Variants in GRID1 observed in about 807,000 individuals in gnomAD.
GRID1 encodes glutamate ionotropic receptor delta type subunit 1.
A neutral mutation model predicts 98.0 loss-of-function variants in GRID1; 28 were observed. That is an observed-to-expected ratio of 0.29 (90% CI 0.21 to 0.39). The LOEUF (loss-of-function observed/expected upper bound fraction) is 0.39. GRID1 is among the 10% of genes least tolerant of loss of function. GRID1 has a pLI of 1.00. For missense variants in GRID1, 1,111 were observed against 1,340.5 expected, an observed-to-expected ratio of 0.83 and a Z score of 2.67; for synonymous variants, 553 against 538.5, an observed-to-expected ratio of 1.03 and a Z score of -0.37.
chr10:85,809,674 G>A (rs961923734), intron 8 of GRID1, among the ~76,000 whole-genome samples: 18 of 152,198 alleles, frequency 1.2e-4, no homozygotes, highest in Admixed American at 3.3e-4. Flanking sequence ...TGAAACTTCA[G>A]AGGGAAAGTG....
At chr10:85,862,513 G>C (rs1222035657) in intron 6 of GRID1, among the ~76,000 whole-genome samples, 2 of 152,058 alleles carry the variant, frequency 1.3e-5, no homozygotes, top group African/African-American at 4.8e-5. Flanking sequence ...ATCCTGGCAA[G>C]GTATAAATTT....
At chr10:85,883,212 C>T (rs964009376) in intron 5 of GRID1, among the ~76,000 whole-genome samples, 4 of 152,030 alleles carry the variant, frequency 2.6e-5, no homozygotes, top group Admixed American at 2.6e-4. Context: ...TGGTGTTCAA[C>T]CTCTAAGATT....
intron 4 of GRID1, among the ~76,000 whole-genome samples, chr10:86,102,985 G>A (rs1353041486): frequency 6.6e-6 from 1 of 152,108 alleles, no homozygotes; most frequent in Admixed American, 6.5e-5. Flanking sequence ...GTTGCCTGCT[G>A]CCATGTAAGA....
intron 12 of GRID1, among the ~76,000 whole-genome samples, chr10:85,715,602 G>A (rs757464739): frequency 6.6e-6 from 1 of 151,942 alleles, no homozygotes; most frequent in Non-Finnish European, 1.5e-5. Flanking sequence ...AAAGATATAC[G>A]AAAAAATATT....
chr10:86,035,811 G>A (rs565947763), intron 4 of GRID1, among the ~76,000 whole-genome samples: 3 of 152,078 alleles, frequency 2.0e-5, no homozygotes, highest in Admixed American at 6.5e-5. Context: ...ATAATAAATA[G>A]ATATAAGGTG....
chr10:85,686,703 TAA>T (rs1841273176), intron 12 of GRID1, among the ~76,000 whole-genome samples: 1 of 152,052 alleles, frequency 6.6e-6, no homozygotes. Flanking sequence ...ATTAAGAAAT[TAA>T]GAGATAAAAT....
chr10:85,920,296 A>G (rs140152099), intron 4 of GRID1, among the ~76,000 whole-genome samples: 371 of 152,294 alleles, frequency 2.4e-3, no homozygotes, highest in African/African-American at 8.3e-3. Context: ...GTGAGAGTCA[A>G]ATGAAATTAC....
intron 12 of GRID1, among the ~76,000 whole-genome samples, chr10:85,679,926 TAGGG>T (rs1018250705): frequency 2.6e-5 from 4 of 152,092 alleles, no homozygotes; most frequent in Non-Finnish European, 5.9e-5. Context: ...ATGATGGGCC[TAGGG>T]AGAGGTGGTG....
At chr10:86,312,630 T>C (rs1413529962) in intron 2 of GRID1, among the ~76,000 whole-genome samples, 1 of 152,252 alleles carries the variant, frequency 6.6e-6, no homozygotes, top group African/African-American at 2.4e-5. Flanking sequence ...TCCTGCGACT[T>C]GGGCAAGATG....
chr10:85,638,124 TA>T (rs11313334), intron 13 of GRID1, among the ~76,000 whole-genome samples: 87,783 of 151,794 alleles, frequency 0.58, 27,396 homozygotes, highest in African/African-American at 0.83. Flanking sequence ...CAAAGTAAAA[TA>T]AGAAGAAAAT....
intron 4 of GRID1, among the ~76,000 whole-genome samples, chr10:86,115,105 G>A (rs1008843453): frequency 7.2e-5 from 11 of 152,220 alleles, no homozygotes; most frequent in Admixed American, 5.2e-4. Flanking sequence ...AACATACCTG[G>A]AGAGTTTGGG....
At chr10:86,246,246 C>T (rs571219057) in intron 2 of GRID1, among the ~76,000 whole-genome samples, 42 of 152,366 alleles carry the variant, frequency 2.8e-4, no homozygotes, top group African/African-American at 9.4e-4. Context: ...GGCCCTGCCA[C>T]TCCCTGACCC....
chr10:86,148,592 T>G lies in GRID1; in HGVS notation c.521-9568A>C, dbSNP rs186916838. ...AACAATATATTGCATATTCGAAAAT[T>G]CATAACAGACTCGATTTTAAGTGTT... On this transcript the variant is annotated intron_variant, in intron 3 of 15. Transcript: ENST00000327946. Among the ~76,000 whole-genome samples, 574 of 152,208 alleles carry G rather than the reference T, an allele frequency of 3.8e-3. 2 individuals carry two copies. The highest frequency in any genetic ancestry group is 6.2e-3 in the Non-Finnish European group (422 of 68,010).
intron 6 of GRID1, among the ~76,000 whole-genome samples, chr10:85,865,942 T>TATATACAC (rs1199144734): frequency 6.3e-5 from 6 of 94,876 alleles, no homozygotes; most frequent in Non-Finnish European, 1.2e-4. Context: ...TATATATATA[T>TATATACAC]ACACATATAT....
At chr10:86,306,652 G>C (rs1243120060) in intron 2 of GRID1, among the ~76,000 whole-genome samples, 2 of 152,150 alleles carry the variant, frequency 1.3e-5, no homozygotes, top group East Asian at 1.9e-4. Context: ...AGTGAAGAAA[G>C]GAGGAAGGGA....
intron 4 of GRID1, among the ~76,000 whole-genome samples, chr10:85,987,270 C>T (rs891163276): frequency 6.6e-6 from 1 of 151,992 alleles, no homozygotes; most frequent in African/African-American, 2.4e-5. Flanking sequence ...GGCTGAGATG[C>T]CTCCCTCACA....
chr10:85,706,110 A>G (rs1327066294), intron 12 of GRID1, among the ~76,000 whole-genome samples: 1 of 152,218 alleles, frequency 6.6e-6, no homozygotes, highest in Non-Finnish European at 1.5e-5. Flanking sequence ...AGTTCTGGCC[A>G]GGGCAATCAG....
rs560447147 is a variant in GRID1, at chr10:85,916,515, C to T, written c.727-276G>A. Among the ~76,000 whole-genome samples, 3 of 152,296 alleles carry T rather than the reference C, an allele frequency of 2.0e-5. No individual in the cohort carries two copies. The highest frequency in any genetic ancestry group is 6.5e-5 in the Admixed American group (1 of 15,302). On this transcript the variant is annotated intron_variant, in intron 4 of 15. Transcript: ENST00000327946. The surrounding 1 kb of genome is among the most constrained non-coding windows in gnomAD (Gnocchi z 4.0). The stretch of plus-strand genomic sequence containing the variant: ...CCTGCAGGCAGCACAGGGTCACAGG[C>T]ACAGGCACAGGCACAGCCCCCCTTC...
At chr10:85,878,726 A>C (rs891284051) in intron 5 of GRID1, among the ~76,000 whole-genome samples, 125 of 152,294 alleles carry the variant, frequency 8.2e-4, no homozygotes, top group African/African-American at 2.9e-3. Context: ...CGAGCAAAAT[A>C]ACCAGCTAAC....
Sources: gnomAD v4.1 joint callset for allele counts (sites outside exome capture counted in the v4.1 genomes callset) on GRCh38, gnomAD v4.1.1 for gene constraint, Gnocchi (gnomAD v3.1) non-coding constraint, MANE v1.5 for transcripts, NCBI Gene and HGNC (gene_info 2026-07-23, HGNC 2026-07-21) for gene names.